ADCY10: variants seen among roughly 807,000 people sequenced by gnomAD.
ADCY10 encodes adenylate cyclase 10, also known as adenylate cyclase type 10.
ADCY10 carries 156 observed loss-of-function variants against 183.3 expected under a neutral mutation model. The observed-to-expected ratio is 0.85, with a 90% CI of 0.75 to 0.97. The LOEUF is 0.97. Among genes scored for constraint, ADCY10 ranks in the 50% least tolerant of loss-of-function variants. ADCY10 has a pLI of 0.00. For synonymous variants in ADCY10, 645 were observed against 670.0 expected (o/e 0.96, Z 0.58); for missense variants, 1,745 against 1,934.3 (o/e 0.90, Z 1.84).
chr1:167,854,191 G>A (rs751089498), intron 18 of ADCY10, among the ~76,000 whole-genome samples, 162 bp downstream of exon 18: 14 of 152,002 alleles, frequency 9.2e-5, no homozygotes, highest in Non-Finnish European at 1.8e-4. Flanking sequence ...TGTTAAGTTC[G>A]CTTACAATCT....
intron 8 of ADCY10, among the ~76,000 whole-genome samples, chr1:167,891,655 CAAAA>C (rs774084079): frequency 9.3e-6 from 1 of 107,696 alleles, no homozygotes. Context: ...GACTCTGTCT[CAAAA>C]AAAAAAAAAA....
chr1:167,820,369 C>T, intron 30 of ADCY10: 1 of 618,738 alleles, frequency 1.6e-6, no homozygotes. Context: ...CAGCCCGCGC[C>T]TCGCCTAGCC....
intron 1 of ADCY10, 44 bp from the exon 2 acceptor site, chr1:167,905,242 G>T: frequency 1.5e-6 from 2 of 1,360,634 alleles, no homozygotes; most frequent in Non-Finnish European, 2.1e-6. Flanking sequence ...ATATTCATTT[G>T]CTCATTTTCC....
At position 167,868,714 on chromosome 1, in the gene ADCY10, T is replaced by C. The variant is rs530114887; in HGVS notation, c.1616+1543A>G. Among the ~76,000 whole-genome samples, 27 of 152,374 alleles carry C rather than the reference T, an allele frequency of 1.8e-4. No homozygotes were observed. The East Asian group carries it at 5.2e-3, about 29-fold the overall frequency. ...GCGAACTCCTGGGCTTCCCTGTCTA[T>C]GCTTTCCGCGAAAAGCGAAACATAG... On this transcript the variant is annotated intron_variant, in intron 14 of 32. Transcript: ENST00000367851.
rs893333547 is a variant in ADCY10 at position 167,851,175 on chromosome 1, TTTTG to T, written c.2309-2690_2309-2687del. Among the ~76,000 whole-genome samples, 5 of 151,898 alleles carry T rather than the reference TTTTG, an allele frequency of 3.3e-5. No homozygotes were observed. The East Asian group carries it at 5.8e-4, about 18-fold the overall frequency. On this transcript the variant is annotated intron_variant, in intron 18 of 32. Transcript: ENST00000367851. Reference sequence around the variant, plus strand: ...GTATTTTCTAAAAATATTGACACTCTTTTGTTTGTTTGTTTGTTTTGTTTTTTTG... The same window carrying T: ...GTATTTTCTAAAAATATTGACACTCTTTTGTTTGTTTGTTTTGTTTTTTTG...
chr1:167,881,936 C>T (rs889799461), intron 9 of ADCY10, among the ~76,000 whole-genome samples: 5 of 152,202 alleles, frequency 3.3e-5, no homozygotes, highest in African/African-American at 4.8e-5. Context: ...AGAGTTAGTT[C>T]GTCTCATATA....
chr1:167,912,566 C>G lies in ADCY10; in HGVS notation c.-59+1410G>C, dbSNP rs192418846. 3.2e-3 allele frequency among the ~76,000 whole-genome samples: 494 copies of G among 152,340 alleles called. 12 individuals are homozygous for G. The highest frequency in any genetic ancestry group is 2.6e-3 in the Non-Finnish European group (174 of 68,038). On this transcript the variant is annotated intron_variant, in intron 1 of 32. Coordinates refer to ENST00000367851, the MANE Select transcript of ADCY10 (RefSeq NM_018417.6). ...CTATGCAAATCAGACACTGCCTCCT[C>G]CAGCGTCTGTAATATATACCTAGCT...
rs767838951 is a variant in ADCY10, at chr1:167,845,631, A to T, written c.2939T>A (p.Val980Glu). 2.2e-5 allele frequency: 35 copies of T among 1,614,130 alleles called. No homozygotes were observed. Among genetic ancestry groups the T allele is most frequent in the Non-Finnish European group, 2.9e-5 (34 of 1,180,046 alleles). ...RDFIPYHHFT[V>E]NIRLNALDMD... ...GTCTAAAGCGTTGAGCCGAATATTC[A>T]CTGTGAAGTGATGATAGGGAATGAA... The change falls in exon 21 of 33, where the codon GTG becomes GAG. Residue 980 changes from valine to glutamate, a missense_variant. Val to Glu is a moderately radical substitution (Grantham distance 121). Coordinates refer to ENST00000367851, the MANE Select transcript of ADCY10 (RefSeq NM_018417.6).
intron 21 of ADCY10, among the ~76,000 whole-genome samples, chr1:167,841,296 G>A (rs1483431479): frequency 2.0e-5 from 3 of 151,920 alleles, no homozygotes; most frequent in Non-Finnish European, 4.4e-5. Flanking sequence ...GAAGGGCCAC[G>A]CTCCTGTCTT....
chr1:167,854,632 TTTG>T, intron 17 of ADCY10, 143 bp from the exon 18 acceptor site: 1 of 1,010,946 alleles, frequency 9.9e-7, no homozygotes, highest in Admixed American at 2.0e-5. Flanking sequence ...GAGGCATTGC[TTTG>T]TTTTCTTTTT....
chr1:167,860,804 G>T, intron 15 of ADCY10, 67 bp downstream of exon 15: 3 of 1,322,062 alleles, frequency 2.3e-6, no homozygotes, highest in Non-Finnish European at 3.3e-6. Context: ...AAGTCACAAT[G>T]CACCAGAGAG....
At chr1:167,825,322 C>CTT (rs34844073) in intron 26 of ADCY10, among the ~76,000 whole-genome samples, 2 of 141,450 alleles carry the variant, frequency 1.4e-5, no homozygotes, top group African/African-American at 2.6e-5. Flanking sequence ...GTTTGTTTGG[C>CTT]TTTTTTTTTT....
chr1:167,891,370 T>C (rs1668575717), intron 8 of ADCY10, among the ~76,000 whole-genome samples: 1 of 150,404 alleles, frequency 6.6e-6, no homozygotes, highest in Non-Finnish European at 1.5e-5. Flanking sequence ...TAAAGGAGAG[T>C]GTTGGGTCGG....
chr1:167,905,170 T>G lies in ADCY10; in HGVS notation c.-30A>C, dbSNP rs771660437. ...AAGACAAATGTTCAGGATTTTATGG[T>G]GACAGGAAGCAGTCTCCAAATAGGT... On this transcript the variant is annotated 5_prime_UTR_variant, in exon 2 of 33. Transcript: ENST00000367851. 6.2e-7 allele frequency: 1 copy of G among 1,613,728 alleles called. No individual in the cohort carries two copies. Among genetic ancestry groups the G allele is most frequent in the Non-Finnish European group, 8.5e-7 (1 of 1,179,760 alleles).
intron 1 of ADCY10, among the ~76,000 whole-genome samples, chr1:167,911,830 A>G (rs1237646003): frequency 6.6e-6 from 1 of 152,198 alleles, no homozygotes; most frequent in East Asian, 1.9e-4. Context: ...TTAAGATTCT[A>G]TTGTTTTAAT....
intron 2 of ADCY10, chr1:167,904,757 G>T: frequency 1.6e-6 from 1 of 620,164 alleles, no homozygotes; most frequent in Non-Finnish European, 2.9e-6. Context: ...AGCAAAGAAT[G>T]GGACTTGAGC....
At chr1:167,868,090 C>T (rs969638633) in intron 14 of ADCY10, among the ~76,000 whole-genome samples, 6 of 152,222 alleles carry the variant, frequency 3.9e-5, no homozygotes, top group Non-Finnish European at 8.8e-5. Context: ...TTCGTAAACT[C>T]TCTCCGGAAC....
intron 25 of ADCY10, among the ~76,000 whole-genome samples, chr1:167,831,159 G>C (rs1043326912): frequency 5.8e-4 from 88 of 152,150 alleles, no homozygotes; most frequent in African/African-American, 2.1e-3. Context: ...TTTTTTTAAA[G>C]GTTCTTAGGA....
At chr1:167,869,523 A>G (rs1022682273) in intron 14 of ADCY10, among the ~76,000 whole-genome samples, 10 of 152,220 alleles carry the variant, frequency 6.6e-5, no homozygotes, top group Admixed American at 5.9e-4. Context: ...CCGGCGCCTA[A>G]GAACCAGACC....
Sources: gnomAD v4.1 joint callset for allele counts (sites outside exome capture counted in the v4.1 genomes callset) on GRCh38, gnomAD v4.1.1 for gene constraint, MANE v1.5 for transcripts, NCBI Gene and HGNC (gene_info 2026-07-23, HGNC 2026-07-21) for gene names.